The following STPG2 variants were observed in gnomAD, a reference collection of about 807,000 sequenced individuals.
STPG2 encodes sperm tail PG-rich repeat containing 2, also known as sperm-tail PG-rich repeat-containing protein 2.
STPG2 carries 56 observed loss-of-function variants against 54.2 expected under a neutral mutation model. The observed-to-expected ratio is 1.03, with a 90% confidence interval of 0.83 to 1.29. The LOEUF is 1.29. Among genes scored for constraint, STPG2 ranks in the 50% most tolerant of loss-of-function variants. The pLI is 0.00. For missense variants in STPG2, 596 were observed against 544.9 expected, an observed-to-expected ratio of 1.09 and a Z score of -0.93; for synonymous variants, 200 against 181.8, an observed-to-expected ratio of 1.10 and a Z score of -0.81.
chr4:97,885,812 GGTA>G (rs1730542038), intron 8 of STPG2, among the ~76,000 whole-genome samples: 1 of 151,790 alleles, frequency 6.6e-6, no homozygotes, highest in Non-Finnish European at 1.5e-5. Context: ...TGCATATTGT[GGTA>G]CAACTGTAAA....
chr4:97,935,239 C>T (rs771867834), intron 8 of STPG2, among the ~76,000 whole-genome samples: 17 of 152,094 alleles, frequency 1.1e-4, no homozygotes, highest in Admixed American at 3.9e-4. Flanking sequence ...CTTGATTCTT[C>T]TCTTTTTTCC....
chr4:97,514,823 G>T (rs1468571583), intron 4 of STPG2, among the ~76,000 whole-genome samples: 2 of 151,920 alleles, frequency 1.3e-5, no homozygotes, highest in African/African-American at 4.8e-5. Context: ...TTTAGTTGCA[G>T]CTGGCTTCTC....
rs185163317 is a variant in STPG2 at position 97,844,586 on chromosome 4, C to T, written c.1045-3654G>A. On this transcript the variant is annotated intron_variant, in intron 8 of 10. Transcript: ENST00000295268. ...TATATAAGTTTCCTTTTTCTTGTTG[C>T]TTTCAAGATGTCACCTTTGTTCTCT... Among the ~76,000 whole-genome samples the T allele has an allele frequency of 4.4e-3, 666 of 152,020 alleles. 3 individuals are homozygous for T. The highest frequency in any genetic ancestry group is 0.024 in the South Asian group (117 of 4,826).
At chr4:97,809,314 A>G (rs1727666358) in intron 9 of STPG2, among the ~76,000 whole-genome samples, 1 of 152,172 alleles carries the variant, frequency 6.6e-6, no homozygotes, top group East Asian at 1.9e-4. Context: ...AAAACTGAGT[A>G]AACTAGTTGT....
chr4:97,657,149 T>A (rs1283188498), intron 10 of STPG2, among the ~76,000 whole-genome samples: 1 of 151,984 alleles, frequency 6.6e-6, no homozygotes. Flanking sequence ...AATAATGGAA[T>A]AAAATAAGTG....
chr4:97,608,582 C>CA (rs1226404118), intron 10 of STPG2, among the ~76,000 whole-genome samples: 1 of 151,988 alleles, frequency 6.6e-6, no homozygotes, highest in African/African-American at 2.4e-5. Context: ...CAGGGTAAAG[C>CA]AACTTTCCCT....
chr4:97,519,943 G>A (rs571588290), intron 4 of STPG2, among the ~76,000 whole-genome samples: 4 of 152,112 alleles, frequency 2.6e-5, no homozygotes, highest in African/African-American at 9.6e-5. Context: ...TATCTTATTT[G>A]TTGTGTAACC....
At chr4:97,981,105 C>A in intron 6 of STPG2, 54 bp downstream of exon 6, 3 of 1,560,268 alleles carry the variant, frequency 1.9e-6, no homozygotes, top group South Asian at 1.2e-5. Flanking sequence ...TTGTTAAGAA[C>A]ATTAAGTTTC....
At chr4:97,938,220 T>G (rs144134768) in intron 8 of STPG2, among the ~76,000 whole-genome samples, 1 of 152,132 alleles carries the variant, frequency 6.6e-6, no homozygotes, top group South Asian at 2.1e-4. Context: ...TGGAACCAAG[T>G]AGTCCAGTCT....
At chr4:97,812,510 T>C (rs892772588) in intron 9 of STPG2, among the ~76,000 whole-genome samples, 1 of 152,180 alleles carries the variant, frequency 6.6e-6, no homozygotes, top group East Asian at 1.9e-4. Flanking sequence ...TTTTGTATAA[T>C]GAATTGAAAT....
At chr4:97,502,970 T>C (rs1411846418) in intron 4 of STPG2, among the ~76,000 whole-genome samples, 1 of 152,076 alleles carries the variant, frequency 6.6e-6, no homozygotes, top group Non-Finnish European at 1.5e-5. Flanking sequence ...ATTGAGGATA[T>C]AAATTTGTGA....
chr4:98,105,869 C>A, intron 5 of STPG2, 84 bp downstream of exon 5: 2 of 1,203,122 alleles, frequency 1.7e-6, no homozygotes, highest in South Asian at 1.4e-5. Context: ...CACATTAGAT[C>A]AAAGAGCACA....
chr4:97,842,894 AT>A (rs1195560334), intron 8 of STPG2, among the ~76,000 whole-genome samples: 1 of 151,854 alleles, frequency 6.6e-6, no homozygotes, highest in Non-Finnish European at 1.5e-5. Context: ...CTTCCTACTC[AT>A]CTTAAATTCT....
chr4:97,926,719 A>G (rs963093423), intron 8 of STPG2, among the ~76,000 whole-genome samples: 1 of 151,558 alleles, frequency 6.6e-6, no homozygotes, highest in African/African-American at 2.4e-5. Flanking sequence ...ACAAAAAGAC[A>G]TCACTAAATT....
At chr4:97,774,769 C>T (rs1033048169) in intron 9 of STPG2, among the ~76,000 whole-genome samples, 1 of 152,142 alleles carries the variant, frequency 6.6e-6, no homozygotes, top group Non-Finnish European at 1.5e-5. Flanking sequence ...TAGTGAAGAA[C>T]CCATCTCCTT....
At position 97,870,867 on chromosome 4, in the gene STPG2, C is replaced by A. The variant is rs151250321; in HGVS notation, c.1045-29935G>T. ...CCTGATACTCTAAAATACAACTTCT[C>A]AAACACATATAAAAAATTCACCCCC... On this transcript the variant is annotated intron_variant, in intron 8 of 10. Transcript: ENST00000295268. 4.2e-3 allele frequency among the ~76,000 whole-genome samples: 638 copies of A among 151,162 alleles called. 3 individuals are homozygous for A. Among genetic ancestry groups the A allele is most frequent in the South Asian group, 0.024 (116 of 4,818 alleles).
At chr4:97,846,986 T>C (rs1282671244) in intron 8 of STPG2, among the ~76,000 whole-genome samples, 2 of 152,208 alleles carry the variant, frequency 1.3e-5, no homozygotes, top group Non-Finnish European at 2.9e-5. Context: ...TTTTAAGTCA[T>C]ATAGAACTTC....
At chr4:97,641,750 C>A (rs1168180654) in intron 10 of STPG2, among the ~76,000 whole-genome samples, 2 of 151,058 alleles carry the variant, frequency 1.3e-5, no homozygotes, top group African/African-American at 4.8e-5. Context: ...AAAGGAAATT[C>A]ATTGATGTCT....
intron 8 of STPG2, among the ~76,000 whole-genome samples, chr4:97,895,414 T>A (rs1578663555): frequency 1.3e-5 from 2 of 151,934 alleles, no homozygotes; most frequent in East Asian, 3.8e-4. Context: ...ATGGAGGATG[T>A]ATGTCGATTC....
Sources: allele counts gnomAD v4.1 joint callset (sites outside exome capture counted in the v4.1 genomes callset), GRCh38; gene constraint gnomAD v4.1.1; transcripts MANE v1.5; gene names NCBI Gene and HGNC (gene_info 2026-07-23, HGNC 2026-07-21).